PLEKHM2: variants seen among roughly 807,000 people sequenced by gnomAD.
The protein encoded by PLEKHM2 is pleckstrin homology domain-containing family M member 2.
Under a neutral mutation model 116.3 loss-of-function variants are expected in PLEKHM2, and 77 were observed. That is an observed-to-expected ratio of 0.66 (90% CI 0.55 to 0.80). The LOEUF (loss-of-function observed/expected upper bound fraction) is 0.80, where lower values mean the gene tolerates loss of function less well. Among genes scored for constraint, PLEKHM2 ranks in the 30% least tolerant of loss-of-function variants. PLEKHM2 has a pLI of 0.00. For synonymous variants in PLEKHM2, 562 were observed against 571.0 expected, an observed-to-expected ratio of 0.98 and a Z score of 0.22; for missense variants, 1,183 against 1,354.9, an observed-to-expected ratio of 0.87 and a Z score of 1.99.
rs772594171 is a variant in PLEKHM2 at position 15,732,034 on chromosome 1, G to T, written c.2611G>T (p.Ala871Ser). The T allele has an allele frequency of 8.1e-6, 13 of 1,611,822 alleles. 1 individual carries two copies. In the South Asian group the frequency reaches 1.4e-4, roughly 18 times the overall value. ...CGAGTGGATGCAGCATCTCTGCCAG[G>T]CTGTGTCCAAAGGGGTGAGCTTCGC... Reference protein sequence around the residue: ...MAEWMQHLCQAVSKGVIPQGV... With the variant: ...MAEWMQHLCQSVSKGVIPQGV... Residue 871 changes from alanine (A) to serine (S), a missense_variant, in exon 17 of 20, where the codon GCT becomes TCT. This residue lies in a region of PLEKHM2 where 594 missense variants were observed against 720.1 expected (regional missense o/e 0.82). Transcript: ENST00000375799.
chr1:15,730,579 C>T lies in PLEKHM2; in HGVS notation c.2256C>T (p.Asp752=), dbSNP rs1474166298. The part of the protein sequence containing the change: ...VRFYGLVHWE[D]PTDESLGPTP... Reference sequence around the variant, plus strand: ...TCTACGGCCTTGTGCACTGGGAGGACCCCACAGACGAGTCCCTGGGCCCCA... The same window carrying T: ...TCTACGGCCTTGTGCACTGGGAGGATCCCACAGACGAGTCCCTGGGCCCCA... The change falls in exon 15 of 20, where the codon GAC becomes GAT. Residue 752 remains aspartate (D), a synonymous_variant. Transcript: ENST00000375799. 4 of 1,604,600 alleles carry T rather than the reference C, an allele frequency of 2.5e-6. No homozygotes were observed. The highest frequency in any genetic ancestry group is 1.7e-5 in the Admixed American group (1 of 58,952).
intron 2 of PLEKHM2, 28 bp from the exon 3 acceptor site, chr1:15,716,679 C>T: frequency 2.6e-6 from 4 of 1,552,782 alleles, no homozygotes; most frequent in Non-Finnish European, 2.6e-6. Context: ...CCATGCAGGT[C>T]ACAGCAGCTC....
In PLEKHM2 at chr1:15,728,794, C is replaced by T. The variant is rs2068100125; in HGVS notation, c.1986+61C>T. 3 of 1,445,624 alleles carry T rather than the reference C, an allele frequency of 2.1e-6. No individual in the cohort carries two copies. The highest frequency in any genetic ancestry group is 2.9e-6 in the Non-Finnish European group (3 of 1,044,942). The allele number at this position is 1,445,624 out of a possible 1,614,324, so 89.5% of individuals were successfully genotyped here. A position where few individuals can be genotyped will look rare whatever the true frequency, so the allele number is the denominator to read the frequency against. On this transcript the variant is annotated intron_variant, in intron 12 of 19. Transcript: ENST00000375799. The surrounding 1 kb of genome is among the most constrained non-coding windows in gnomAD (Gnocchi z 5.9). ...GGTACAGGGCTTCTCAAGCCACTTA[C>T]CCATAGAACTGCAGGGCGAGGCACG...
chr1:15,703,685 G>A (rs1298069925), intron 1 of PLEKHM2, among the ~76,000 whole-genome samples: 2 of 152,218 alleles, frequency 1.3e-5, no homozygotes, highest in Non-Finnish European at 2.9e-5. Context: ...GGACAGAGAA[G>A]GCCGGGCTGT....
At chr1:15,717,787 C>A in intron 3 of PLEKHM2, 106 bp from the exon 4 acceptor site, 1 of 714,028 alleles carries the variant, frequency 1.4e-6, no homozygotes, top group South Asian at 1.7e-5. Flanking sequence ...CACTGAAGTG[C>A]CTGGTCCCAT....
intron 7 of PLEKHM2, among the ~76,000 whole-genome samples, chr1:15,724,702 G>A (rs1486982858): frequency 6.6e-6 from 1 of 152,078 alleles, no homozygotes; most frequent in African/African-American, 2.4e-5. Context: ...TCTGCCCCAT[G>A]GTTCCCACCC....
rs369410677 is a variant in PLEKHM2 at position 15,684,697 on chromosome 1, G to GGCGACCCTGCTACCGCAGGGACTC, written c.60+80_60+81insCGACCCTGCTACCGCAGGGACTCG. 1.1e-5 allele frequency: 9 copies of GGCGACCCTGCTACCGCAGGGACTC among 795,264 alleles called. No homozygotes were observed. The African/African-American group carries it at 1.5e-4, about 13-fold the overall frequency. 49.3% of individuals were successfully genotyped at this position (795,264 alleles called of 1,614,324 possible). On this transcript the variant is annotated intron_variant, in intron 1 of 19. Transcript: ENST00000375799. Reference sequence around the variant, plus strand: ...CCCTCCGGCGGCGCTCTCCCGGGCCGGGGCCCCCCGCCCTTCCCCTCCGCG... The same window carrying GGCGACCCTGCTACCGCAGGGACTC: ...CCCTCCGGCGGCGCTCTCCCGGGCCGGCGACCCTGCTACCGCAGGGACTCGGGCCCCCCGCCCTTCCCCTCCGCG...
At position 15,727,290 on chromosome 1, in the gene PLEKHM2, G is replaced by C; in HGVS notation, c.1218G>C (p.Leu406Phe). ...TGAAGGACACCTCCATGGAGCGCTTGGGGCAGCCCCTGAGCAAGGTTATCG... is the reference window on the plus strand; with the variant it reads ...TGAAGGACACCTCCATGGAGCGCTTCGGGCAGCCCCTGAGCAAGGTTATCG... ...PEMKDTSMERLGQPLSKVIDQ... is the reference protein window; with the variant it reads ...PEMKDTSMERFGQPLSKVIDQ... Residue 406 changes from leucine to phenylalanine, a missense_variant, in exon 9 of 20, where the codon TTG (leucine) becomes TTC (phenylalanine). Transcript: ENST00000375799. The surrounding 1 kb of genome is among the most constrained non-coding windows in gnomAD (Gnocchi z 7.5). 1 of 1,605,324 alleles carries C rather than the reference G, an allele frequency of 6.2e-7. No homozygotes were observed. The highest frequency in any genetic ancestry group is 8.5e-7 in the Non-Finnish European group (1 of 1,176,910).
Position 15,728,335 on chromosome 1 carries a change from C to CT in PLEKHM2, c.1900dup (p.Tyr634LeufsTer24). 6.2e-7 allele frequency: 1 copy of CT among 1,612,996 alleles called. No individual in the cohort carries two copies. The highest frequency in any genetic ancestry group is 8.5e-7 in the Non-Finnish European group (1 of 1,179,762). Reference sequence around the variant, plus strand: ...TGCTGTACGTGCTGCTCACAGACTGCTATGTCTACCTGCTCCGGAAAGGTG... The same window carrying CT: ...TGCTGTACGTGCTGCTCACAGACTGCTTATGTCTACCTGCTCCGGAAAGGTG... On this transcript the variant is annotated frameshift_variant, in exon 11 of 20. Transcript: ENST00000375799. LOFTEE classifies it high-confidence loss of function. The surrounding 1 kb of genome is among the most constrained non-coding windows in gnomAD (Gnocchi z 5.9).
chr1:15,705,688 A>G (rs867015376), intron 1 of PLEKHM2, among the ~76,000 whole-genome samples: 3 of 152,112 alleles, frequency 2.0e-5, no homozygotes, highest in Middle Eastern at 3.4e-3. Context: ...CCTGTCCTCT[A>G]CACTGTAGCC....
rs1248066515 is a variant in PLEKHM2 at position 15,717,930 on chromosome 1, C to A, written c.315C>A (p.Ser105=). The A allele has an allele frequency of 6.2e-7, 1 of 1,600,760 alleles. No individual in the cohort carries two copies. Among genetic ancestry groups the A allele is most frequent in the Non-Finnish European group, 8.5e-7 (1 of 1,173,536 alleles). Residue 105 remains serine, a synonymous_variant, in exon 4 of 20, where the codon TCC becomes TCA. Coordinates refer to ENST00000375799, the MANE Select transcript of PLEKHM2 (RefSeq NM_015164.4). The part of the protein sequence containing the change: ...AWLYLALNEN[S]LESYLRLFQE... ...TGTACCTGGCCCTCAACGAGAACTC[C>A]TTGGAGAGCTACCTGCGGTTGTTCC...
At chr1:15,712,488 A>G (rs907601980) in intron 1 of PLEKHM2, among the ~76,000 whole-genome samples, 1 of 152,286 alleles carries the variant, frequency 6.6e-6, no homozygotes. Context: ...GGACTGCACA[A>G]TGGTCACTGC....
intron 1 of PLEKHM2, among the ~76,000 whole-genome samples, chr1:15,706,608 C>T (rs1043575203): frequency 2.0e-5 from 3 of 151,990 alleles, no homozygotes; most frequent in Admixed American, 6.6e-5. Context: ...GGTTTCACCA[C>T]GTTGGTCAGG....
In PLEKHM2 at chr1:15,716,338, G is replaced by A. The variant is rs199666070; in HGVS notation, c.162G>A (p.Leu54=). 7.5e-5 allele frequency: 119 copies of A among 1,586,276 alleles called. No individual in the cohort carries two copies. In the African/African-American group the frequency reaches 1.2e-3, roughly 16 times the overall value. The change falls in exon 2 of 20, where the codon CTG becomes CTA. Residue 54 remains leucine, a synonymous_variant. Transcript: ENST00000375799. The part of the protein sequence containing the change: ...RLCEHLDHAL[L]YGLQDLSSGY... ...GTGAGCACCTGGACCACGCCCTGCT[G>A]TACGGGTAAGGTGGAGGAAGTTTCC...
chr1:15,718,771 G>A (rs974447172), intron 5 of PLEKHM2, 146 bp downstream of exon 5: 6 of 622,282 alleles, frequency 9.6e-6, no homozygotes, highest in Admixed American at 2.6e-5. Context: ...TTTTTTGGGC[G>A]AGGGAAAGGT....
intron 1 of PLEKHM2, among the ~76,000 whole-genome samples, chr1:15,704,352 C>T (rs1435210109): frequency 7.1e-6 from 1 of 141,570 alleles, no homozygotes; most frequent in Non-Finnish European, 1.5e-5. Context: ...CTCTGTTCTT[C>T]CACTTCCCTC....
At chr1:15,692,547 A>C (rs996234967) in intron 1 of PLEKHM2, among the ~76,000 whole-genome samples, 2 of 152,260 alleles carry the variant, frequency 1.3e-5, no homozygotes, top group African/African-American at 2.4e-5. Context: ...TCAGGAGGAG[A>C]TACTAGTGGA....
rs1447411419 is a variant in PLEKHM2, at chr1:15,727,169, A to G, written c.1097A>G (p.Asp366Gly). ...GSPSLGRDSP[D>G]TMLASPQEEG... ...CCAAGCCTTGGGCGGGACTCGCCAGACACTATGCTTGCCTCCCCCCAGGAG... is the reference window on the plus strand; with the variant it reads ...CCAAGCCTTGGGCGGGACTCGCCAGGCACTATGCTTGCCTCCCCCCAGGAG... The change falls in exon 9 of 20, where the codon GAC (aspartate) becomes GGC (glycine). Residue 366 changes from aspartate to glycine, a missense_variant. Asp to Gly is a moderately conservative substitution (Grantham distance 94, BLOSUM62 -1). Transcript: ENST00000375799. This position sits in a 1 kb window ranked among gnomAD's most constrained non-coding sequence, Gnocchi z 7.5. 6.2e-6 allele frequency: 10 copies of G among 1,603,280 alleles called. No homozygotes were observed. Among genetic ancestry groups the G allele is most frequent in the Non-Finnish European group, 8.5e-6 (10 of 1,174,526 alleles).
In PLEKHM2 at chr1:15,714,912, G is replaced by A. The variant is rs77179578; in HGVS notation, c.61-1325G>A. Among the ~76,000 whole-genome samples the A allele has an allele frequency of 5.9e-3, 896 of 152,310 alleles. 5 individuals are homozygous for A. Among genetic ancestry groups the A allele is most frequent in the Middle Eastern group, 0.031 (9 of 294 alleles). On this transcript the variant is annotated intron_variant, in intron 1 of 19. Coordinates refer to ENST00000375799, the MANE Select transcript of PLEKHM2 (RefSeq NM_015164.4). ...AAAGGGGCCCTCTCTCTGTAACTGC[G>A]GTTGCAGTGAACTCAGTCCAATATC...
Sources: gnomAD v4.1 joint callset for allele counts (sites outside exome capture counted in the v4.1 genomes callset) on GRCh38, gnomAD v4.1.1 for gene constraint, gnomAD v4.1.1 regional missense constraint, Gnocchi (gnomAD v3.1) non-coding constraint, MANE v1.5 for transcripts, NCBI Gene and HGNC (gene_info 2026-07-23, HGNC 2026-07-21) for gene names.